Variants in VCAM1 observed in about 807,000 individuals in gnomAD.
The protein encoded by VCAM1 is vascular cell adhesion protein 1.
In VCAM1, 41 loss-of-function variants were observed where a neutral mutation model predicts 63.8. That is an observed-to-expected ratio of 0.64 (90% CI 0.50 to 0.83). VCAM1 has a LOEUF of 0.83. Among genes scored for constraint, VCAM1 ranks in the 40% least tolerant of loss-of-function variants. The pLI is 0.00. For missense variants in VCAM1, 798 were observed against 875.5 expected, an observed-to-expected ratio of 0.91 and a Z score of 1.12; for synonymous variants, 338 against 320.7, an observed-to-expected ratio of 1.05 and a Z score of -0.58.
At chr1:100,727,338 G>C (rs964374221) in intron 4 of VCAM1, among the ~76,000 whole-genome samples, 8 of 151,918 alleles carry the variant, frequency 5.3e-5, no homozygotes, top group African/African-American at 1.7e-4. Context: ...TGAAAACATG[G>C]TATTTAAACT....
intron 3 of VCAM1, among the ~76,000 whole-genome samples, chr1:100,723,649 C>A (rs1460537547): frequency 6.6e-6 from 1 of 152,014 alleles, no homozygotes; most frequent in East Asian, 1.9e-4. Context: ...GGGAAATAGG[C>A]TCAAATGATA....
Position 100,729,370 on chromosome 1 carries a change from G to A in VCAM1, c.1192G>A (p.Val398Met). ...TAAGAAACTGGAAAAGGGAATCCAG[G>A]TGGAGCTCTACTGTAAGTGGTTTTC... is the stretch of plus-strand genomic sequence containing the variant. ...GHKKLEKGIQ[V>M]ELYSFPRDPE... The change falls in exon 5 of 9, where the codon GTG (valine) becomes ATG (methionine). Residue 398 changes from valine (V) to methionine (M), a missense_variant. Val to Met is a conservative substitution (Grantham distance 21). Coordinates refer to ENST00000294728, the MANE Select transcript of VCAM1 (RefSeq NM_001078.4). 1 of 1,603,024 alleles carries A rather than the reference G, an allele frequency of 6.2e-7. No individual in the cohort carries two copies. Among genetic ancestry groups the A allele is most frequent in the South Asian group, 1.1e-5 (1 of 89,252 alleles).
chr1:100,734,112 A>T (rs1044022217), intron 7 of VCAM1, among the ~76,000 whole-genome samples: 1 of 152,172 alleles, frequency 6.6e-6, no homozygotes, highest in Non-Finnish European at 1.5e-5. Flanking sequence ...CTCATTAACT[A>T]TCATGAGAAC....
intron 4 of VCAM1, 32 bp downstream of exon 4, chr1:100,724,922 G>C (rs758750562): frequency 6.2e-7 from 1 of 1,603,038 alleles, no homozygotes; most frequent in Admixed American, 1.7e-5. Flanking sequence ...AATGATAAAG[G>C]TGCTGTCAGT....
Position 100,719,841 on chromosome 1 carries a change from C to T in VCAM1, c.-20C>T, listed in dbSNP as rs780793820. ...AAGGGTTTTGGAACCACTATTTTCT[C>T]ATCACGACAGCAACTTAAAATGCCT... On this transcript the variant is annotated 5_prime_UTR_variant, in exon 1 of 9. Coordinates refer to ENST00000294728, the MANE Select transcript of VCAM1 (RefSeq NM_001078.4). 5.6e-6 allele frequency: 9 copies of T among 1,609,802 alleles called. No individual in the cohort carries two copies. In the Admixed American group the frequency reaches 6.7e-5, roughly 12 times the overall value.
chr1:100,731,880 T>G lies in VCAM1; in HGVS notation c.1525+362T>G, dbSNP rs1202967035. On this transcript the variant is annotated intron_variant, in intron 6 of 8. Transcript: ENST00000294728. The surrounding 1 kb of genome is among the most constrained non-coding windows in gnomAD (Gnocchi z 4.2). ...CATATCTTGGATGACTTGGCCTCTC[T>G]TTCTTTATGTGGTGTCACCCTGAGG... Among the ~76,000 whole-genome samples the G allele has an allele frequency of 2.0e-5, 3 of 152,174 alleles. No individual in the cohort carries two copies. Among genetic ancestry groups the G allele is most frequent in the African/African-American group, 7.2e-5 (3 of 41,436 alleles).
intron 7 of VCAM1, among the ~76,000 whole-genome samples, chr1:100,733,288 G>A (rs976076087): frequency 6.6e-6 from 1 of 152,140 alleles, no homozygotes; most frequent in Non-Finnish European, 1.5e-5. Flanking sequence ...GAAGCCATAC[G>A]GAGTTATGAG....
chr1:100,738,058 CTGT>C, intron 8 of VCAM1, 62 bp from the exon 9 acceptor site: 2 of 1,528,484 alleles, frequency 1.3e-6, no homozygotes, highest in South Asian at 1.2e-5. Context: ...AAACATGTAA[CTGT>C]TGTTATTAAA....
At position 100,738,241 on chromosome 1, in the gene VCAM1, G is replaced by C. The variant is rs758546876; in HGVS notation, c.2178G>C (p.Lys726Asn). Reference protein sequence around the residue: ...IIYFARKANMKGSYSLVEAQK... With the variant: ...IIYFARKANMNGSYSLVEAQK... The stretch of plus-strand genomic sequence containing the variant: ...ACTTTGCAAGAAAAGCCAACATGAA[G>C]GGGTCATATAGTCTTGTAGAAGCAC... Residue 726 changes from lysine (K) to asparagine (N), a missense_variant, in exon 9 of 9, where the codon AAG becomes AAC. By Grantham distance (94) the Lys-to-Asn change is moderately conservative. Transcript: ENST00000294728. 1 of 1,613,754 alleles carries C rather than the reference G, an allele frequency of 6.2e-7. No individual in the cohort carries two copies.
intron 2 of VCAM1, among the ~76,000 whole-genome samples, chr1:100,721,147 AT>A (rs1295639216): frequency 6.6e-6 from 1 of 151,986 alleles, no homozygotes; most frequent in Non-Finnish European, 1.5e-5. Flanking sequence ...TTTTCTATTC[AT>A]TTATTCTTAT....
chr1:100,720,471 TGCAGC>T lies in VCAM1; in HGVS notation c.65-4_65del. 2 of 1,602,372 alleles carry T rather than the reference TGCAGC, an allele frequency of 1.2e-6. No homozygotes were observed. The highest frequency in any genetic ancestry group is 1.7e-5 in the Admixed American group (1 of 58,892). On this transcript the variant is annotated splice_acceptor_variant and splice_polypyrimidine_tract_variant and coding_sequence_variant and intron_variant, in exon 2 of 9. Coordinates refer to ENST00000294728, the MANE Select transcript of VCAM1 (RefSeq NM_001078.4). LOFTEE classifies it high-confidence loss of function. ...ATTTGCTTCTGTCTTTTTTTGCTTT[TGCAGC>T]TCAAGCTTTTAAAATCGAGACCACC...
At chr1:100,737,703 G>A (rs1258241547) in intron 8 of VCAM1, 2 of 153,470 alleles carry the variant, frequency 1.3e-5, no homozygotes, top group African/African-American at 4.8e-5. Flanking sequence ...TTTTCTTAGA[G>A]AACTGGTTAG....
chr1:100,738,417 C>T lies in VCAM1; in HGVS notation c.*134C>T. On this transcript the variant is annotated 3_prime_UTR_variant, in exon 9 of 9. Coordinates refer to ENST00000294728, the MANE Select transcript of VCAM1 (RefSeq NM_001078.4). ...TGTATTGAACTTGGAAAGAAATGCC[C>T]ATCTATGTCCCTTGCTGTGAGCAAG... 1 of 1,008,948 alleles carries T rather than the reference C, an allele frequency of 9.9e-7. No individual in the cohort carries two copies. The highest frequency in any genetic ancestry group is 1.4e-6 in the Non-Finnish European group (1 of 706,288). The allele number at this position is 1,008,948 out of a possible 1,614,324, so 62.5% of individuals were successfully genotyped here.
chr1:100,726,009 T>G (rs1193976927), intron 4 of VCAM1, among the ~76,000 whole-genome samples: 1 of 152,020 alleles, frequency 6.6e-6, no homozygotes, highest in Non-Finnish European at 1.5e-5. Context: ...CTTACTCTCC[T>G]GTCTAACTGA....
At chr1:100,722,020 C>A (rs548774479) in intron 2 of VCAM1, among the ~76,000 whole-genome samples, 57 of 152,100 alleles carry the variant, frequency 3.7e-4, no homozygotes, top group Non-Finnish European at 5.9e-4. Flanking sequence ...AATTATCTTG[C>A]CTGAGGTTTT....
chr1:100,722,882 AG>A lies in VCAM1; in HGVS notation c.341-136del, dbSNP rs1311747894. 45 of 955,436 alleles carry A rather than the reference AG, an allele frequency of 4.7e-5. No individual in the cohort carries two copies. In the East Asian group the frequency reaches 6.9e-4, roughly 15 times the overall value. 59.2% of individuals were successfully genotyped at this position (955,436 alleles called of 1,614,324 possible). On this transcript the variant is annotated intron_variant, in intron 2 of 8. Coordinates refer to ENST00000294728, the MANE Select transcript of VCAM1 (RefSeq NM_001078.4). Reference sequence around the variant, plus strand: ...CCTTGAACTCACCCCAAATCATGAAAGGCTATTCAAACAGTTCTGTCGTATT... The same window carrying A: ...CCTTGAACTCACCCCAAATCATGAAAGCTATTCAAACAGTTCTGTCGTATT...
At position 100,723,056 on chromosome 1, in the gene VCAM1, C is replaced by T. The variant is rs1239406215; in HGVS notation, c.377C>T (p.Pro126Leu). Residue 126 changes from proline (P) to leucine (L), a missense_variant, in exon 3 of 9, where the codon CCT (proline) becomes CTT (leucine). Coordinates refer to ENST00000294728, the MANE Select transcript of VCAM1 (RefSeq NM_001078.4). ...GATCCAGAGATTCATTTGAGTGGCCCTCTGGAGGCTGGGAAGCCGATCACA... is the reference window on the plus strand; with the variant it reads ...GATCCAGAGATTCATTTGAGTGGCCTTCTGGAGGCTGGGAAGCCGATCACA... Reference protein sequence around the residue: ...PKDPEIHLSGPLEAGKPITVK... With the variant: ...PKDPEIHLSGLLEAGKPITVK... 3.7e-6 allele frequency: 6 copies of T among 1,612,394 alleles called. No homozygotes were observed. Among genetic ancestry groups the T allele is most frequent in the Non-Finnish European group, 5.1e-6 (6 of 1,179,266 alleles).
At chr1:100,724,358 C>T (rs1435947878) in intron 3 of VCAM1, among the ~76,000 whole-genome samples, 4 of 151,942 alleles carry the variant, frequency 2.6e-5, no homozygotes, top group Non-Finnish European at 4.4e-5. Context: ...GGACTCTTAC[C>T]CTTAAGTGGG....
rs1571464361 is a variant in VCAM1, at chr1:100,738,179, T to C, written c.2116T>C (p.Ser706Pro). The C allele has an allele frequency of 6.2e-7, 1 of 1,613,850 alleles. No individual in the cohort carries two copies. The highest frequency in any genetic ancestry group is 1.1e-5 in the South Asian group (1 of 91,050). Residue 706 changes from serine (S) to proline (P), a missense_variant, in exon 9 of 9, where the codon TCC (serine) becomes CCC (proline). Coordinates refer to ENST00000294728, the MANE Select transcript of VCAM1 (RefSeq NM_001078.4). ...TGAGCTTCTCGTGCTCTATTTTGCA[T>C]CCTCCTTAATAATACCTGCCATTGG... ...SPELLVLYFA[S>P]SLIIPAIGMI...
Sources: gnomAD v4.1 joint callset for allele counts (sites outside exome capture counted in the v4.1 genomes callset) on GRCh38, gnomAD v4.1.1 for gene constraint, Gnocchi (gnomAD v3.1) non-coding constraint, MANE v1.5 for transcripts, NCBI Gene and HGNC (gene_info 2026-07-23, HGNC 2026-07-21) for gene names.